NAV2: variants seen among roughly 807,000 people sequenced by gnomAD.
NAV2 encodes the protein helicase, APC down-regulated 1.
NAV2 carries 54 observed loss-of-function variants against 223.2 expected under a neutral mutation model. That is an observed-to-expected ratio of 0.24 (90% CI 0.19 to 0.30). NAV2 has a LOEUF of 0.30. Ranked by LOEUF, NAV2 falls within the 10% of genes least tolerant of loss-of-function variation. The pLI is 1.00. For synonymous variants in NAV2, 1,279 were observed against 1,239.3 expected, an observed-to-expected ratio of 1.03 and a Z score of -0.67; for missense variants, 2,806 against 3,147.5, an observed-to-expected ratio of 0.89 and a Z score of 2.60.
At chr11:19,443,914 C>CTTA (rs971634419) in intron 1 of NAV2, among the ~76,000 whole-genome samples, 1 of 152,082 alleles carries the variant, frequency 6.6e-6, no homozygotes, top group African/African-American at 2.4e-5. Flanking sequence ...GACAACTCCT[C>CTTA]TTATTATTAT....
intron 10 of NAV2, among the ~76,000 whole-genome samples, chr11:19,950,663 T>C (rs1000953925): frequency 2.0e-5 from 3 of 152,220 alleles, no homozygotes; most frequent in African/African-American, 7.2e-5. Flanking sequence ...GAAAACAGAA[T>C]CCACCAAACC....
At chr11:20,073,087 CTTA>C (rs1253994107) in intron 22 of NAV2, among the ~76,000 whole-genome samples, 1 of 152,066 alleles carries the variant, frequency 6.6e-6, no homozygotes, top group Non-Finnish European at 1.5e-5. Flanking sequence ...ATAAATAGCT[CTTA>C]TTATTTTGAG....
chr11:20,061,530 T>C (rs961281325), intron 19 of NAV2, among the ~76,000 whole-genome samples: 15 of 150,662 alleles, frequency 1.0e-4, no homozygotes, highest in Admixed American at 6.6e-5. Context: ...GATCGTGCCA[T>C]TGCGCTCCAG....
At chr11:19,494,854 C>T (rs914734606) in intron 1 of NAV2, among the ~76,000 whole-genome samples, 2 of 152,226 alleles carry the variant, frequency 1.3e-5, no homozygotes, top group South Asian at 4.1e-4. Flanking sequence ...CTCCTCTCCC[C>T]ATTCTGGGTT....
chr11:19,391,334 C>T (rs1036523892), intron 1 of NAV2, among the ~76,000 whole-genome samples: 1 of 152,166 alleles, frequency 6.6e-6, no homozygotes, highest in Non-Finnish European at 1.5e-5. Context: ...TGCTGTTTCA[C>T]CTGTTCCCAA....
intron 29 of NAV2, among the ~76,000 whole-genome samples, chr11:20,093,641 T>C (rs1479363223): frequency 6.6e-6 from 1 of 152,138 alleles, no homozygotes; most frequent in East Asian, 1.9e-4. Flanking sequence ...TTGGTAGACA[T>C]CAAGGGATGG....
At chr11:19,479,376 G>A (rs1006012787) in intron 1 of NAV2, among the ~76,000 whole-genome samples, 1 of 152,110 alleles carries the variant, frequency 6.6e-6, no homozygotes. Flanking sequence ...CTCCACTGCT[G>A]GATAGTAATG....
At chr11:19,635,020 T>C (rs2047451275) in intron 1 of NAV2, among the ~76,000 whole-genome samples, 1 of 152,188 alleles carries the variant, frequency 6.6e-6, no homozygotes, top group Non-Finnish European at 1.5e-5. Context: ...ACAATAAAAG[T>C]GTGTTTCTTG....
At chr11:20,007,848 G>A (rs933682521) in intron 11 of NAV2, among the ~76,000 whole-genome samples, 2 of 152,196 alleles carry the variant, frequency 1.3e-5, no homozygotes, top group African/African-American at 4.8e-5. Flanking sequence ...TACAGTAACT[G>A]CCTGCTATCC....
chr11:20,079,827 C>T (rs1477704326), intron 24 of NAV2, among the ~76,000 whole-genome samples: 1 of 152,176 alleles, frequency 6.6e-6, no homozygotes, highest in Non-Finnish European at 1.5e-5. Context: ...CCCTACACCT[C>T]CCTTGACTTC....
chr11:19,591,533 C>T (rs1452239796), intron 1 of NAV2, among the ~76,000 whole-genome samples: 1 of 152,136 alleles, frequency 6.6e-6, no homozygotes, highest in Non-Finnish European at 1.5e-5. Context: ...AATATGGGCA[C>T]CTCTATGTGA....
At chr11:19,500,660 T>G (rs1482018760) in intron 1 of NAV2, among the ~76,000 whole-genome samples, 1 of 152,202 alleles carries the variant, frequency 6.6e-6, no homozygotes, top group East Asian at 1.9e-4. Flanking sequence ...GAACAGAGTA[T>G]AATTGACTGG....
intron 1 of NAV2, among the ~76,000 whole-genome samples, chr11:19,526,291 C>A (rs1183252525): frequency 6.6e-6 from 1 of 152,146 alleles, no homozygotes; most frequent in Non-Finnish European, 1.5e-5. Flanking sequence ...CTCAAAGAGG[C>A]CCCACAATGT....
chr11:19,921,100 G>A (rs1437694529), intron 6 of NAV2, among the ~76,000 whole-genome samples: 1 of 152,198 alleles, frequency 6.6e-6, no homozygotes, highest in African/African-American at 2.4e-5. Flanking sequence ...ACAACTGTCA[G>A]GTGAAAAGGC....
At chr11:19,633,154 A>G (rs1380987745) in intron 1 of NAV2, among the ~76,000 whole-genome samples, 6 of 146,532 alleles carry the variant, frequency 4.1e-5, no homozygotes, top group Non-Finnish European at 9.0e-5. Flanking sequence ...CCGTGCCCCC[A>G]GCTCCTCCCT....
intron 3 of NAV2, among the ~76,000 whole-genome samples, chr11:19,865,264 A>G (rs1379987378): frequency 6.6e-6 from 1 of 152,196 alleles, no homozygotes; most frequent in African/African-American, 2.4e-5. Flanking sequence ...TTGTGCTGTA[A>G]TGACTACTGG....
intron 1 of NAV2, among the ~76,000 whole-genome samples, chr11:19,704,476 T>A (rs1005466681): frequency 6.6e-6 from 1 of 152,162 alleles, no homozygotes; most frequent in African/African-American, 2.4e-5. Context: ...CTCTTCTACT[T>A]AATTGGCAGT....
intron 1 of NAV2, among the ~76,000 whole-genome samples, chr11:19,621,664 T>G (rs986780505): frequency 1.3e-5 from 2 of 152,214 alleles, no homozygotes; most frequent in Admixed American, 6.5e-5. Flanking sequence ...TTATTAGTCT[T>G]GCTAGCGGTC....
chr11:20,015,996 C>T (rs72918735), intron 11 of NAV2, among the ~76,000 whole-genome samples: 39 of 152,262 alleles, frequency 2.6e-4, no homozygotes, highest in Non-Finnish European at 3.7e-4. Context: ...TGTATGACTA[C>T]GAGCAAATCA....
Sources: allele counts gnomAD v4.1 joint callset (sites outside exome capture counted in the v4.1 genomes callset), GRCh38; gene constraint gnomAD v4.1.1; transcripts MANE v1.5; gene names NCBI Gene and HGNC (gene_info 2026-07-23, HGNC 2026-07-21).